TDP1: variants seen among roughly 807,000 people sequenced by gnomAD.
TDP1 encodes tyrosyl-DNA phosphodiesterase 1.
TDP1 carries 64 observed loss-of-function variants against 81.5 expected under a neutral mutation model. That is an observed-to-expected ratio of 0.79 (90% CI 0.64 to 0.97). The LOEUF is 0.97. Ranked by LOEUF, TDP1 falls within the 50% of genes least tolerant of loss-of-function variation. TDP1 has a pLI of 0.00. For synonymous variants in TDP1, 256 were observed against 264.3 expected (o/e 0.97, Z 0.30); for missense variants, 723 against 743.8 (o/e 0.97, Z 0.33).
At chr14:89,972,042 G>C (rs970607488) in intron 6 of TDP1, among the ~76,000 whole-genome samples, 1 of 152,174 alleles carries the variant, frequency 6.6e-6, no homozygotes, top group South Asian at 2.1e-4. Flanking sequence ...AAGTGGTCTT[G>C]TAACAGGCAT....
At chr14:90,024,254 C>T (rs2140287551) in intron 15 of TDP1, among the ~76,000 whole-genome samples, 1 of 152,318 alleles carries the variant, frequency 6.6e-6, no homozygotes, top group African/African-American at 2.4e-5. Flanking sequence ...GCTCTCACTA[C>T]GAGCCAGGTC....
intron 2 of TDP1, among the ~76,000 whole-genome samples, chr14:89,960,099 A>G (rs1892151030): frequency 6.6e-6 from 1 of 152,210 alleles, no homozygotes; most frequent in African/African-American, 2.4e-5. Context: ...AGGAACCTAG[A>G]GCTGACATTC....
At chr14:90,019,196 A>G (rs1885673573) in intron 14 of TDP1, 120 bp from the exon 15 acceptor site, 1 of 1,305,296 alleles carries the variant, frequency 7.7e-7, no homozygotes, top group Non-Finnish European at 1.1e-6. Flanking sequence ...TCTGCTAGAA[A>G]ATGAATGAAT....
chr14:89,955,594 C>G (rs1056304231), upstream of TDP1: 16 of 152,328 alleles, frequency 1.1e-4, no homozygotes, highest in Non-Finnish European at 1.6e-4. Flanking sequence ...TGCCTTTAAC[C>G]TAAGCGTATC....
At chr14:89,983,301 T>C (rs1268579293) in intron 8 of TDP1, 4 of 358,074 alleles carry the variant, frequency 1.1e-5, no homozygotes, top group Non-Finnish European at 2.2e-5. Context: ...TCGATCTGGG[T>C]CCAGAACATG....
intron 15 of TDP1, among the ~76,000 whole-genome samples, chr14:90,020,588 CTCCCTCCCTCCCTCCCTGCCTGCCTTTG>C (rs1885943879): frequency 3.0e-5 from 1 of 33,036 alleles, no homozygotes; most frequent in African/African-American, 2.3e-4. Context: ...CCTTCCCTCC[CTCCCTCCCTCCCTCCCTGCCTGCCTTTG>C]TCCCTCCCTC....
Position 89,964,862 on chromosome 14 carries a change from G to A in TDP1, c.559+1189G>A, listed in dbSNP as rs1190374315. ...CCTTTAATCCTCAGGACAGTCTTAT[G>A]AGTAGATGTTACAATCGTATTCCTT... On this transcript the variant is annotated intron_variant, in intron 3 of 16. Coordinates refer to ENST00000335725, the MANE Select transcript of TDP1 (RefSeq NM_018319.4). 9 of 448,904 alleles carry A rather than the reference G, an allele frequency of 2.0e-5. No homozygotes were observed. The Admixed American group carries it at 2.2e-4, about 11-fold the overall frequency. 27.8% of individuals were successfully genotyped at this position (448,904 alleles called of 1,614,324 possible).
At chr14:90,012,921 G>A (rs534575434) in intron 14 of TDP1, among the ~76,000 whole-genome samples, 1 of 152,350 alleles carries the variant, frequency 6.6e-6, no homozygotes, top group African/African-American at 2.4e-5. Context: ...TGACCTGGAT[G>A]TGAGACATGG....
intron 7 of TDP1, among the ~76,000 whole-genome samples, chr14:89,979,806 A>G (rs1465578928): frequency 1.3e-5 from 2 of 152,044 alleles, no homozygotes; most frequent in Non-Finnish European, 2.9e-5. Context: ...CCTCTCTCTC[A>G]CTGCAATTAA....
chr14:90,019,569 A>G, intron 15 of TDP1, 151 bp downstream of exon 15: 2 of 677,560 alleles, frequency 3.0e-6, no homozygotes, highest in South Asian at 1.6e-5. Flanking sequence ...GCTGGTCTGT[A>G]CCTCTGAGCT....
rs1251645527 is a variant in TDP1 at position 90,043,272 on chromosome 14, C to A, written c.*129C>A. The A allele has an allele frequency of 6.4e-6, 7 of 1,090,824 alleles. No homozygotes were observed. The highest frequency in any genetic ancestry group is 8.3e-6 in the Non-Finnish European group (6 of 727,180). 67.6% of individuals were successfully genotyped at this position (1,090,824 alleles called of 1,614,324 possible). A position where few individuals can be genotyped will look rare whatever the true frequency, so the allele number is the denominator to read the frequency against. On this transcript the variant is annotated 3_prime_UTR_variant, in exon 17 of 17. Coordinates refer to ENST00000335725, the MANE Select transcript of TDP1 (RefSeq NM_018319.4). ...CCTTACAAAATCTTTCCAAAGGTCA[C>A]TCTTATGAATGGATGTTGGTTATAC... is the stretch of plus-strand genomic sequence containing the variant.
At chr14:90,022,996 C>T in intron 15 of TDP1, 1 of 755,590 alleles carries the variant, frequency 1.3e-6, no homozygotes, top group South Asian at 1.4e-5. Context: ...ATACTCACTT[C>T]AGTCCCACAC....
intron 2 of TDP1, among the ~76,000 whole-genome samples, chr14:89,960,698 C>T (rs527771253): frequency 1.3e-5 from 2 of 152,154 alleles, no homozygotes; most frequent in Non-Finnish European, 2.9e-5. Flanking sequence ...TGACCCAGAG[C>T]CATGAAGAAT....
chr14:90,027,034 C>T (rs533223395), intron 15 of TDP1, among the ~76,000 whole-genome samples: 103 of 152,336 alleles, frequency 6.8e-4, no homozygotes, highest in Non-Finnish European at 1.3e-3. Flanking sequence ...GGAATCGCCA[C>T]ACTGTCTTCC....
chr14:89,956,889 ACT>A (rs1352297185), intron 2 of TDP1, 89 bp downstream of exon 2: 5 of 152,100 alleles, frequency 3.3e-5, no homozygotes, highest in East Asian at 1.9e-4. Context: ...GCAGAGCGAG[ACT>A]CTGTCTCAAA....
At chr14:90,004,112 C>T (rs148145839) in intron 14 of TDP1, among the ~76,000 whole-genome samples, 291 of 152,208 alleles carry the variant, frequency 1.9e-3, no homozygotes, top group Admixed American at 4.3e-3. Context: ...TTCCTTTATA[C>T]GATAGAGATG....
intron 14 of TDP1, among the ~76,000 whole-genome samples, chr14:89,996,787 A>T (rs1896681671): frequency 6.6e-6 from 1 of 152,236 alleles, no homozygotes; most frequent in Non-Finnish European, 1.5e-5. Context: ...ATTGACCTGC[A>T]TTAAGTAGCC....
intron 15 of TDP1, 166 bp from the exon 16 acceptor site, chr14:90,032,940 G>A (rs1887446338): frequency 1.2e-6 from 1 of 847,974 alleles, no homozygotes; most frequent in Non-Finnish European, 1.4e-6. Context: ...ATTTGGGGCG[G>A]GGGGGTTGTA....
intron 16 of TDP1, among the ~76,000 whole-genome samples, chr14:90,035,733 C>CATTTTTTT: frequency 7.2e-6 from 1 of 139,054 alleles, no homozygotes; most frequent in African/African-American, 2.8e-5. Flanking sequence ...CCTTTTCTTC[C>CATTTTTTT]TTTTTTTTTT....
Sources: gnomAD v4.1 joint callset for allele counts (sites outside exome capture counted in the v4.1 genomes callset) on GRCh38, gnomAD v4.1.1 for gene constraint, MANE v1.5 for transcripts, NCBI Gene and HGNC (gene_info 2026-07-23, HGNC 2026-07-21) for gene names.